The following CACNA2D3 variants were observed in gnomAD, a reference collection of about 807,000 sequenced individuals.
The protein encoded by CACNA2D3 is voltage-dependent calcium channel subunit alpha-2/delta-3.
CACNA2D3 carries 60 observed loss-of-function variants against 160.6 expected under a neutral mutation model. That is an observed-to-expected ratio of 0.37 (90% CI 0.30 to 0.46). CACNA2D3 has a LOEUF of 0.46. Ranked by LOEUF, CACNA2D3 falls within the 20% of genes least tolerant of loss-of-function variation. The pLI is 1.00. For missense variants in CACNA2D3, 1,205 were observed against 1,365.0 expected (o/e 0.88, Z 1.85); for synonymous variants, 558 against 492.9 (o/e 1.13, Z -1.75).
intron 27 of CACNA2D3, among the ~76,000 whole-genome samples, chr3:54,907,844 A>G (rs375129697): frequency 6.6e-6 from 1 of 152,130 alleles, no homozygotes. Flanking sequence ...TTTTGTGACA[A>G]GCTTCCTTCA....
chr3:54,805,115 G>A (rs1703087130), intron 13 of CACNA2D3, among the ~76,000 whole-genome samples: 1 of 152,150 alleles, frequency 6.6e-6, no homozygotes, highest in African/African-American at 2.4e-5. Context: ...ATCCAAAATT[G>A]ACACCCTAAC....
At chr3:54,450,542 G>A (rs1050900798) in intron 4 of CACNA2D3, among the ~76,000 whole-genome samples, 1 of 152,036 alleles carries the variant, frequency 6.6e-6, no homozygotes, top group Non-Finnish European at 1.5e-5. Context: ...ATAGATTAAT[G>A]CCCTCCCTGG....
chr3:54,524,556 G>A lies in CACNA2D3; in HGVS notation c.544+20902G>A, dbSNP rs371613878. On this transcript the variant is annotated intron_variant, in intron 5 of 37. Transcript: ENST00000474759. ...TTCCATATTAATCTTCTGCCTAGTT[G>A]TTTTACTCTGTATTCAAAGTGAGAT... Among the ~76,000 whole-genome samples, 33 of 152,008 alleles carry A rather than the reference G, an allele frequency of 2.2e-4. No homozygotes were observed. The South Asian group carries it at 6.7e-3, about 31-fold the overall frequency.
intron 13 of CACNA2D3, among the ~76,000 whole-genome samples, chr3:54,801,327 G>T (rs759831083): frequency 6.6e-6 from 1 of 152,088 alleles, no homozygotes; most frequent in Non-Finnish European, 1.5e-5. Flanking sequence ...CTTGGCGGGG[G>T]TGGTACAATG....
At position 54,580,874 on chromosome 3, in the gene CACNA2D3, C is replaced by T. The variant is rs538749972; in HGVS notation, c.889-929C>T. 1.5e-4 allele frequency among the ~76,000 whole-genome samples: 23 copies of T among 152,216 alleles called. 1 individual carries two copies. The East Asian group carries it at 1.9e-3, about 13-fold the overall frequency. On this transcript the variant is annotated intron_variant, in intron 8 of 37. Transcript: ENST00000474759. The stretch of plus-strand genomic sequence containing the variant: ...CAGCCAGAGAGAAGAGGTGCCAGAG[C>T]GAGAGCTCAAAGCAGGGGTCCCAGC...
intron 29 of CACNA2D3, among the ~76,000 whole-genome samples, chr3:54,976,482 T>G (rs1702394739): frequency 6.6e-6 from 1 of 152,046 alleles, no homozygotes; most frequent in Non-Finnish European, 1.5e-5. Flanking sequence ...TAAAGTATAA[T>G]AATAATAATT....
intron 14 of CACNA2D3, among the ~76,000 whole-genome samples, chr3:54,823,430 A>C (rs1001363586): frequency 6.6e-6 from 1 of 152,176 alleles, no homozygotes; most frequent in East Asian, 1.9e-4. Context: ...AAAATTGATA[A>C]AAGCCTTCAA....
intron 4 of CACNA2D3, among the ~76,000 whole-genome samples, chr3:54,429,862 A>T (rs964483584): frequency 6.6e-6 from 1 of 152,230 alleles, no homozygotes; most frequent in African/African-American, 2.4e-5. Flanking sequence ...ATTATACTGC[A>T]GAAAATTTAA....
chr3:54,474,319 G>A (rs1700789970), intron 4 of CACNA2D3, among the ~76,000 whole-genome samples: 1 of 151,954 alleles, frequency 6.6e-6, no homozygotes, highest in African/African-American at 2.4e-5. Flanking sequence ...AACACTGCAT[G>A]TTCTCACTCA....
chr3:55,044,748 G>A (rs1034571529), intron 35 of CACNA2D3, among the ~76,000 whole-genome samples: 10 of 151,944 alleles, frequency 6.6e-5, no homozygotes, highest in Admixed American at 6.5e-4. Flanking sequence ...TTTACTGTTT[G>A]TTTATTTCAA....
At chr3:54,265,519 G>C (rs2107444219) in intron 2 of CACNA2D3, among the ~76,000 whole-genome samples, 1 of 148,848 alleles carries the variant, frequency 6.7e-6, no homozygotes, top group East Asian at 2.0e-4. Flanking sequence ...ATGTATCCCA[G>C]AACTTAAAGT....
intron 4 of CACNA2D3, among the ~76,000 whole-genome samples, chr3:54,405,667 C>G (rs1260653116): frequency 1.3e-5 from 2 of 152,034 alleles, no homozygotes; most frequent in African/African-American, 4.8e-5. Flanking sequence ...ACAGTGATTT[C>G]TTGGATGTCA....
intron 25 of CACNA2D3, 129 bp from the exon 26 acceptor site, chr3:54,896,620 A>T: frequency 9.3e-7 from 1 of 1,070,148 alleles, no homozygotes; most frequent in Non-Finnish European, 1.4e-6. Flanking sequence ...CCCCCTCTAT[A>T]CTGAGAAAGG....
intron 2 of CACNA2D3, among the ~76,000 whole-genome samples, chr3:54,274,737 AG>A (rs986669569): frequency 5.9e-5 from 9 of 152,162 alleles, no homozygotes; most frequent in African/African-American, 1.9e-4. Context: ...AGGCTCGGCT[AG>A]GGGGGAACTG....
At chr3:55,071,255 A>C (rs1440457669) in intron 35 of CACNA2D3, among the ~76,000 whole-genome samples, 1 of 152,048 alleles carries the variant, frequency 6.6e-6, no homozygotes, top group African/African-American at 2.4e-5. Context: ...GTGGCAAACA[A>C]ACATCATAAT....
intron 3 of CACNA2D3, among the ~76,000 whole-genome samples, chr3:54,347,905 G>C (rs988769800): frequency 1.3e-5 from 2 of 152,250 alleles, no homozygotes; most frequent in Non-Finnish European, 2.9e-5. Context: ...GTACACTGTA[G>C]GCTCCTAATA....
chr3:54,586,446 G>A (rs9833877), intron 9 of CACNA2D3, among the ~76,000 whole-genome samples: 13,602 of 152,144 alleles, frequency 0.089, 1,987 homozygotes, highest in African/African-American at 0.31. Flanking sequence ...ATTTCATAAT[G>A]ATAAAAGGAT....
intron 5 of CACNA2D3, among the ~76,000 whole-genome samples, chr3:54,529,723 A>G (rs2106639063): frequency 6.6e-6 from 1 of 152,320 alleles, no homozygotes; most frequent in South Asian, 2.1e-4. Context: ...TAAAGGAAAA[A>G]AAATGGCCGT....
chr3:54,717,041 T>C (rs2106976289), intron 11 of CACNA2D3, among the ~76,000 whole-genome samples: 1 of 152,264 alleles, frequency 6.6e-6, no homozygotes, highest in African/African-American at 2.4e-5. Context: ...ACTACTTTTC[T>C]GACTTCTATC....
Sources: gnomAD v4.1 joint callset for allele counts (sites outside exome capture counted in the v4.1 genomes callset) on GRCh38, gnomAD v4.1.1 for gene constraint, MANE v1.5 for transcripts, NCBI Gene and HGNC (gene_info 2026-07-23, HGNC 2026-07-21) for gene names.